The following VAV3 variants were observed in gnomAD, a reference collection of about 807,000 sequenced individuals.
VAV3 encodes the protein guanine nucleotide exchange factor VAV3.
VAV3 carries 94 observed loss-of-function variants against 131.2 expected under a neutral mutation model. The ratio of observed to expected loss-of-function variants is 0.72; its 90% CI spans 0.61 to 0.85. The LOEUF (loss-of-function observed/expected upper bound fraction) is 0.85, where lower values mean the gene tolerates loss of function less well. Ranked by LOEUF, VAV3 falls within the 40% of genes least tolerant of loss-of-function variation. The probability of loss-of-function intolerance (pLI) is 0.00; values close to 1 mark genes in which losing one functional copy is unlikely to be tolerated. For missense variants in VAV3, 939 were observed against 1,002.7 expected, an observed-to-expected ratio of 0.94 and a Z score of 0.86; for synonymous variants, 349 against 342.0, an observed-to-expected ratio of 1.02 and a Z score of -0.22.
intron 1 of VAV3, among the ~76,000 whole-genome samples, chr1:107,914,202 A>G (rs1372430639): frequency 6.6e-6 from 1 of 152,264 alleles, no homozygotes; most frequent in East Asian, 1.9e-4. Context: ...CAGAAATCCC[A>G]GCAATAGAGG....
At chr1:107,920,802 C>T (rs1354441422) in intron 1 of VAV3, among the ~76,000 whole-genome samples, 1 of 152,138 alleles carries the variant, frequency 6.6e-6, no homozygotes, top group African/African-American at 2.4e-5. Context: ...GCACATTTTC[C>T]CTTACGATTA....
At chr1:107,796,488 T>C (rs1197604213) in intron 2 of VAV3, among the ~76,000 whole-genome samples, 4 of 152,152 alleles carry the variant, frequency 2.6e-5, no homozygotes, top group Non-Finnish European at 5.9e-5. Context: ...AAGTTGATGA[T>C]AGATTATAGA....
At chr1:107,624,924 A>G (rs560932079) in intron 20 of VAV3, among the ~76,000 whole-genome samples, 1 of 152,184 alleles carries the variant, frequency 6.6e-6, no homozygotes, top group African/African-American at 2.4e-5. Context: ...TGCTTTGGTT[A>G]TTTTCATAGA....
chr1:107,668,149 G>T (rs1281605988), intron 19 of VAV3, among the ~76,000 whole-genome samples: 2 of 152,098 alleles, frequency 1.3e-5, no homozygotes, highest in African/African-American at 4.8e-5. Flanking sequence ...TTTCTCTTTA[G>T]CCTACTTCAT....
chr1:107,779,970 A>G (rs1254885757), intron 2 of VAV3, among the ~76,000 whole-genome samples: 1 of 152,214 alleles, frequency 6.6e-6, no homozygotes, highest in African/African-American at 2.4e-5. Context: ...GGCCACTGTA[A>G]TGAACTACAC....
Position 107,894,561 on chromosome 1 carries a change from C to T in VAV3, c.205-19544G>A, listed in dbSNP as rs1474096240. 2.6e-5 allele frequency among the ~76,000 whole-genome samples: 4 copies of T among 152,146 alleles called. No homozygotes were observed. In the East Asian group the frequency reaches 7.7e-4, roughly 29 times the overall value. On this transcript the variant is annotated intron_variant, in intron 1 of 26. Transcript: ENST00000370056. ...TAGAAAAACAAAATGATTCCTAAAT[C>T]TTGGCAGGCAGCTCCCAAAAAGAAA...
At chr1:107,735,128 A>G (rs4426007) in intron 15 of VAV3, among the ~76,000 whole-genome samples, 46,317 of 152,102 alleles carry the variant, frequency 0.3, 7,457 homozygotes, top group African/African-American at 0.41. Flanking sequence ...TAAAAACTGA[A>G]GGCAGAAATA....
At chr1:107,795,180 A>T (rs1459279164) in intron 2 of VAV3, among the ~76,000 whole-genome samples, 1 of 152,228 alleles carries the variant, frequency 6.6e-6, no homozygotes, top group Non-Finnish European at 1.5e-5. Context: ...TCATCTGCCA[A>T]GCTGATTTTC....
intron 15 of VAV3, among the ~76,000 whole-genome samples, chr1:107,748,421 T>G (rs1203936653): frequency 6.6e-6 from 1 of 152,178 alleles, no homozygotes; most frequent in Non-Finnish European, 1.5e-5. Flanking sequence ...TTGTTGAGCT[T>G]CCTCCTCAGT....
At chr1:107,846,867 A>T (rs998766851) in intron 2 of VAV3, among the ~76,000 whole-genome samples, 1 of 152,154 alleles carries the variant, frequency 6.6e-6, no homozygotes, top group Admixed American at 6.5e-5. Flanking sequence ...GATCAACGAA[A>T]CAGAAAATTA....
intron 24 of VAV3, among the ~76,000 whole-genome samples, chr1:107,600,458 C>T (rs1322679752): frequency 3.3e-5 from 5 of 152,250 alleles, no homozygotes; most frequent in East Asian, 1.9e-4. Context: ...TGCTTCCTTA[C>T]AAAAGATGCC....
intron 1 of VAV3, among the ~76,000 whole-genome samples, chr1:107,878,053 T>C (rs1337753872): frequency 6.6e-6 from 1 of 152,166 alleles, no homozygotes; most frequent in African/African-American, 2.4e-5. Flanking sequence ...TTTTTTTGAA[T>C]TTCAGAACAA....
intron 5 of VAV3, 72 bp downstream of exon 5, chr1:107,772,663 T>C (rs895742191): frequency 5.3e-6 from 7 of 1,309,742 alleles, no homozygotes; most frequent in South Asian, 1.3e-5. Flanking sequence ...AGATGTTACA[T>C]AAATTATTAT....
At chr1:107,679,327 C>T (rs1446416997) in intron 19 of VAV3, among the ~76,000 whole-genome samples, 1 of 152,132 alleles carries the variant, frequency 6.6e-6, no homozygotes, top group East Asian at 1.9e-4. Context: ...TCAGAAAGGA[C>T]TCTTATCAAT....
chr1:107,692,817 CTGAGGCT>C (rs1659509185), intron 17 of VAV3, among the ~76,000 whole-genome samples: 1 of 152,150 alleles, frequency 6.6e-6, no homozygotes, highest in Non-Finnish European at 1.5e-5. Flanking sequence ...ATTAGGGCAG[CTGAGGCT>C]TGCATTCTCA....
At chr1:107,757,379 A>T (rs779629562) in intron 10 of VAV3, 50 bp from the exon 11 acceptor site, 1 of 1,452,592 alleles carries the variant, frequency 6.9e-7, no homozygotes, top group Non-Finnish European at 9.5e-7. Context: ...TAAAACTAAG[A>T]CATACTAAAG....
rs1010421089 is a variant in VAV3 at position 107,951,969 on chromosome 1, G to C, written c.204+12697C>G. ...ATTTGACCCAGCAATCCCATTGCAG[G>C]ATATACACCCAAAGGAATATAAACT... On this transcript the variant is annotated intron_variant, in intron 1 of 26. Coordinates refer to ENST00000370056, the MANE Select transcript of VAV3 (RefSeq NM_006113.5). Among the ~76,000 whole-genome samples the C allele has an allele frequency of 2.0e-5, 3 of 152,222 alleles. No individual in the cohort carries two copies. In the South Asian group the frequency reaches 6.2e-4, roughly 32 times the overall value.
intron 21 of VAV3, among the ~76,000 whole-genome samples, chr1:107,616,002 G>A (rs1227159355): frequency 6.6e-6 from 1 of 152,186 alleles, no homozygotes; most frequent in African/African-American, 2.4e-5. Flanking sequence ...ACTGCTGGTG[G>A]GAATGTAAAG....
At chr1:107,870,874 C>G (rs1305875804) in intron 2 of VAV3, among the ~76,000 whole-genome samples, 1 of 152,130 alleles carries the variant, frequency 6.6e-6, no homozygotes, top group Non-Finnish European at 1.5e-5. Context: ...GGGAAGCAGG[C>G]CCTTCACACT....
Sources: gnomAD v4.1 joint callset for allele counts (sites outside exome capture counted in the v4.1 genomes callset) on GRCh38, gnomAD v4.1.1 for gene constraint, MANE v1.5 for transcripts, NCBI Gene and HGNC (gene_info 2026-07-23, HGNC 2026-07-21) for gene names.